The following CRPPA variants were observed in gnomAD, a reference collection of about 807,000 sequenced individuals.
CRPPA encodes the protein D-ribitol-5-phosphate cytidylyltransferase.
A neutral mutation model predicts 52.0 loss-of-function variants in CRPPA; 43 were observed. The ratio of observed to expected loss-of-function variants is 0.83; its 90% CI spans 0.65 to 1.07. The LOEUF is 1.07. Among genes scored for constraint, CRPPA ranks in the 50% least tolerant of loss-of-function variants. The pLI is 0.00. For missense variants in CRPPA, 629 were observed against 551.7 expected (o/e 1.14, Z -1.40); for synonymous variants, 250 against 203.5 (o/e 1.23, Z -1.94).
chr7:16,101,832 C>G (rs1287197163), intron 9 of CRPPA, among the ~76,000 whole-genome samples: 1 of 152,144 alleles, frequency 6.6e-6, no homozygotes, highest in African/African-American at 2.4e-5. Context: ...AAAAAACATT[C>G]CATGCTCATG....
chr7:16,179,223 T>C (rs1268546962), intron 9 of CRPPA, among the ~76,000 whole-genome samples: 3 of 152,122 alleles, frequency 2.0e-5, no homozygotes, highest in South Asian at 4.1e-4. Context: ...TTTGTTCTAT[T>C]CTTCACAGGC....
chr7:16,234,403 A>G (rs1275097623), intron 8 of CRPPA, among the ~76,000 whole-genome samples: 6 of 152,154 alleles, frequency 3.9e-5, no homozygotes, highest in Non-Finnish European at 7.4e-5. Flanking sequence ...CATAAAAACT[A>G]AAAGCAGGCA....
chr7:16,412,929 G>A (rs763806735), intron 1 of CRPPA, among the ~76,000 whole-genome samples: 2 of 152,122 alleles, frequency 1.3e-5, no homozygotes, highest in Non-Finnish European at 2.9e-5. Context: ...GGAATACTCG[G>A]CCCAGACAGT....
At chr7:16,150,066 A>T (rs1228465975) in intron 9 of CRPPA, among the ~76,000 whole-genome samples, 1 of 151,818 alleles carries the variant, frequency 6.6e-6, no homozygotes, top group East Asian at 1.9e-4. Flanking sequence ...AACCTCATTG[A>T]GACATTATGT....
intron 9 of CRPPA, among the ~76,000 whole-genome samples, chr7:16,107,020 A>G (rs1007535978): frequency 6.6e-6 from 1 of 152,166 alleles, no homozygotes; most frequent in African/African-American, 2.4e-5. Context: ...AGCAGACTCA[A>G]TTAAGCAGAA....
At chr7:16,285,945 G>C (rs1237648187) in intron 5 of CRPPA, among the ~76,000 whole-genome samples, 1 of 136,588 alleles carries the variant, frequency 7.3e-6, no homozygotes, top group Non-Finnish European at 1.6e-5. Context: ...GCTTGAACCT[G>C]GGAGGCAGAG....
chr7:16,213,501 C>A (rs1465392755), intron 9 of CRPPA, among the ~76,000 whole-genome samples: 1 of 151,950 alleles, frequency 6.6e-6, no homozygotes, highest in African/African-American at 2.4e-5. Context: ...GTAATCCCAG[C>A]ACTTTGGGAG....
At chr7:16,364,260 C>G (rs1379786114) in intron 3 of CRPPA, among the ~76,000 whole-genome samples, 2 of 152,210 alleles carry the variant, frequency 1.3e-5, no homozygotes, top group African/African-American at 4.8e-5. Context: ...CCTAAAAGCA[C>G]TGGACACAAA....
intron 9 of CRPPA, among the ~76,000 whole-genome samples, chr7:16,135,077 C>G (rs1782740127): frequency 6.6e-6 from 1 of 152,104 alleles, no homozygotes; most frequent in Non-Finnish European, 1.5e-5. Context: ...CATATTATTC[C>G]AGTATTCCTG....
At chr7:16,284,789 C>T (rs970510707) in intron 5 of CRPPA, among the ~76,000 whole-genome samples, 1 of 152,020 alleles carries the variant, frequency 6.6e-6, no homozygotes, top group African/African-American at 2.4e-5. Context: ...ATTTGAAAAG[C>T]ATGCTGCACT....
intron 3 of CRPPA, among the ~76,000 whole-genome samples, chr7:16,339,197 G>A (rs751751268): frequency 2.0e-5 from 3 of 151,848 alleles, no homozygotes; most frequent in African/African-American, 2.4e-5. Flanking sequence ...CTCATTCTGT[G>A]AGGCCAGCCT....
At chr7:16,340,604 AAAAAAAAAAAAG>A (rs1287677908) in intron 3 of CRPPA, among the ~76,000 whole-genome samples, 2 of 106,468 alleles carry the variant, frequency 1.9e-5, no homozygotes, top group Admixed American at 9.1e-5. Context: ...AATGTGGAGC[AAAAAAAAAAAAG>A]AAAAAAAAAA....
intron 9 of CRPPA, among the ~76,000 whole-genome samples, chr7:16,183,151 G>C (rs1781444142): frequency 6.6e-6 from 1 of 151,928 alleles, no homozygotes; most frequent in Non-Finnish European, 1.5e-5. Context: ...ATAAGTGGTA[G>C]AGAAAAAAAA....
chr7:16,143,225 G>T (rs1418085147), intron 9 of CRPPA, among the ~76,000 whole-genome samples: 1 of 152,150 alleles, frequency 6.6e-6, no homozygotes, highest in Non-Finnish European at 1.5e-5. Context: ...CTCTCTGGGA[G>T]TGAAGCAGTT....
At chr7:16,163,955 A>T (rs1450729625) in intron 9 of CRPPA, among the ~76,000 whole-genome samples, 2 of 151,576 alleles carry the variant, frequency 1.3e-5, no homozygotes, top group African/African-American at 2.4e-5. Context: ...TTTTTTCTTC[A>T]TTTCAACCTT....
chr7:16,089,226 GTA>G lies in CRPPA; in HGVS notation c.*2467_*2468del. 2.7e-6 allele frequency: 1 copy of G among 370,326 alleles called. No homozygotes were observed. The highest frequency in any genetic ancestry group is 2.2e-5 in the African/African-American group (1 of 46,132). The allele number at this position is 370,326 out of a possible 1,614,324, so 22.9% of individuals were successfully genotyped here. ...TACGTACGTATATACATATATGTGTGTATGCGTACGTATATACATATATGTGT... is the reference window on the plus strand; with the variant it reads ...TACGTACGTATATACATATATGTGTGTGCGTACGTATATACATATATGTGT... On this transcript the variant is annotated 3_prime_UTR_variant, in exon 10 of 10. Coordinates refer to ENST00000407010, the MANE Select transcript of CRPPA (RefSeq NM_001101426.4).
intron 9 of CRPPA, among the ~76,000 whole-genome samples, chr7:16,179,545 G>A (rs1241415030): frequency 1.3e-5 from 2 of 152,088 alleles, no homozygotes; most frequent in Non-Finnish European, 2.9e-5. Flanking sequence ...CTTGTGCTTT[G>A]CAGAGAAAAG....
intron 2 of CRPPA, among the ~76,000 whole-genome samples, chr7:16,399,191 G>T (rs938935264): frequency 2.0e-5 from 3 of 152,178 alleles, no homozygotes; most frequent in Non-Finnish European, 2.9e-5. Flanking sequence ...CGATTCACAC[G>T]ACTGACATGA....
rs568737446 is a variant in CRPPA, at chr7:16,363,496, T to C, written c.684+12596A>G. On this transcript the variant is annotated intron_variant, in intron 3 of 9. Coordinates refer to ENST00000407010, the MANE Select transcript of CRPPA (RefSeq NM_001101426.4). ...AGACAAAAAGAAAAAAGTAACATGA[T>C]AGCTACATGTAGGAAAAGAATGAGA... 7.9e-5 allele frequency among the ~76,000 whole-genome samples: 12 copies of C among 152,222 alleles called. No individual in the cohort carries two copies. In the East Asian group the frequency reaches 2.1e-3, roughly 27 times the overall value.
Sources: allele counts gnomAD v4.1 joint callset (sites outside exome capture counted in the v4.1 genomes callset), GRCh38; gene constraint gnomAD v4.1.1; transcripts MANE v1.5; gene names NCBI Gene and HGNC (gene_info 2026-07-23, HGNC 2026-07-21).